Variants in RBM44 observed in about 807,000 individuals in gnomAD.
RBM44 encodes RNA-binding protein 44.
In RBM44, 66 loss-of-function variants were observed where a neutral mutation model predicts 105.1. The ratio of observed to expected loss-of-function variants is 0.63; its 90% confidence interval spans 0.52 to 0.77. RBM44 has a LOEUF of 0.77. RBM44 is among the 30% of genes least tolerant of loss of function. The probability of loss-of-function intolerance (pLI) is 0.00; values close to 1 mark genes in which losing one functional copy is unlikely to be tolerated. For synonymous variants in RBM44, 365 were observed against 417.6 expected, an observed-to-expected ratio of 0.87 and a Z score of 1.54; for missense variants, 1,122 against 1,207.8, an observed-to-expected ratio of 0.93 and a Z score of 1.05.
At chr2:237,831,256 GTTT>G (rs2061900613) in intron 13 of RBM44, among the ~76,000 whole-genome samples, 1 of 101,936 alleles carries the variant, frequency 9.8e-6, no homozygotes, top group Admixed American at 1.0e-4. Flanking sequence ...GGGGGGGGGG[GTTT>G]GTCTTTGTTT....
At position 237,832,345 on chromosome 2, in the gene RBM44, G is replaced by A. The variant is rs996868635; in HGVS notation, c.2887-1652G>A. ...TTTTTGTATTTTTCTGTAGAGACCA[G>A]GTCGTGCTATGTTGCCCAGGCTGGT... On this transcript the variant is annotated intron_variant, in intron 13 of 15. Coordinates refer to ENST00000316997, the MANE Select transcript of RBM44 (RefSeq NM_001080504.3). 1.6e-4 allele frequency among the ~76,000 whole-genome samples: 24 copies of A among 152,048 alleles called. 1 individual carries two copies. The highest frequency in any genetic ancestry group is 1.5e-5 in the Non-Finnish European group (1 of 68,006).
chr2:237,831,111 A>C (rs2061898348), intron 13 of RBM44, among the ~76,000 whole-genome samples: 2 of 151,372 alleles, frequency 1.3e-5, no homozygotes, highest in South Asian at 2.1e-4. Flanking sequence ...TTTCTCTACT[A>C]TTAGCAACTC....
At position 237,802,377 on chromosome 2, in the gene RBM44, A is replaced by G. The variant is rs780846640; in HGVS notation, c.-19+3516A>G. ...GAGGGATCTAGGTTTCGTGCTACCT[A>G]TGAGAATCTAACTAATGCCTGATGA... On this transcript the variant is annotated intron_variant, in intron 1 of 15. Coordinates refer to ENST00000316997, the MANE Select transcript of RBM44 (RefSeq NM_001080504.3). Among the ~76,000 whole-genome samples the G allele has an allele frequency of 2.6e-5, 4 of 152,188 alleles. No individual in the cohort carries two copies. The East Asian group carries it at 5.8e-4, about 22-fold the overall frequency.
intron 5 of RBM44, 27 bp downstream of exon 5, chr2:237,820,378 T>C: frequency 7.2e-7 from 1 of 1,382,270 alleles, no homozygotes; most frequent in East Asian, 2.4e-5. Context: ...AATCTGTTTT[T>C]TCTTAGAAAT....
Position 237,821,101 on chromosome 2 carries a change from A to T in RBM44, c.1944A>T (p.Glu648Asp), listed in dbSNP as rs1347826741. The T allele has an allele frequency of 6.3e-7, 1 of 1,587,074 alleles. No homozygotes were observed. Among genetic ancestry groups the T allele is most frequent in the Non-Finnish European group, 8.5e-7 (1 of 1,173,362 alleles). Residue 648 changes from glutamate to aspartate, a missense_variant, in exon 6 of 16, where the codon GAA becomes GAT. This residue lies in a region of RBM44 where 918 missense variants were observed against 955.3 expected (regional missense o/e 0.96). Coordinates refer to ENST00000316997, the MANE Select transcript of RBM44 (RefSeq NM_001080504.3). ...TATCAAGTAATTCTGCTAAGAAGGA[A>T]TTGGGATCAGCACTACTGTCTCTTT... ...MNLSSNSAKK[E>D]LGSALLSLLG...
chr2:237,838,162 C>A (rs2061977974), intron 15 of RBM44, among the ~76,000 whole-genome samples: 1 of 152,190 alleles, frequency 6.6e-6, no homozygotes. Flanking sequence ...AAAATTAAAG[C>A]CTATAAGAAC....
intron 1 of RBM44, among the ~76,000 whole-genome samples, chr2:237,808,481 G>GAAA (rs61185065): frequency 4.0e-5 from 5 of 125,416 alleles, no homozygotes; most frequent in Non-Finnish European, 7.0e-5. Flanking sequence ...AAGCATAACA[G>GAAA]AAAAAAAAAA....
chr2:237,808,671 T>C (rs1241518920), intron 1 of RBM44, among the ~76,000 whole-genome samples: 1 of 152,086 alleles, frequency 6.6e-6, no homozygotes, highest in Non-Finnish European at 1.5e-5. Context: ...GTAGGAGATG[T>C]GACAGATACA....
At chr2:237,811,457 C>T (rs1051160025) in intron 1 of RBM44, among the ~76,000 whole-genome samples, 1 of 151,828 alleles carries the variant, frequency 6.6e-6, no homozygotes, top group African/African-American at 2.4e-5. Flanking sequence ...TTTGTGGAGT[C>T]GGGGTTTTGC....
In RBM44 at chr2:237,821,151, T is replaced by C. The variant is rs773477874; in HGVS notation, c.1994T>C (p.Val665Ala). Residue 665 changes from valine to alanine, a missense_variant, in exon 6 of 16, where the codon GTG becomes GCG. Transcript: ENST00000316997. ...TTGGGGGACTTAAAAGTTAGATATG[T>C]GACTTTGAAAGAAAAAATACACAAA... is the stretch of plus-strand genomic sequence containing the variant. ...SLLGDLKVRY[V>A]TLKEKIHKGI... is the part of the protein sequence containing the mutation. 6.2e-7 allele frequency: 1 copy of C among 1,611,484 alleles called. No homozygotes were observed. Among genetic ancestry groups the C allele is most frequent in the South Asian group, 1.1e-5 (1 of 90,716 alleles).
chr2:237,811,883 C>CT, intron 1 of RBM44, among the ~76,000 whole-genome samples: 1 of 152,050 alleles, frequency 6.6e-6, no homozygotes, highest in Non-Finnish European at 1.5e-5. Flanking sequence ...TCTTTGGAGT[C>CT]TCGCGCTGTC....
intron 9 of RBM44, 103 bp downstream of exon 9, chr2:237,823,657 T>A (rs576997232): frequency 3.3e-5 from 20 of 603,752 alleles, no homozygotes; most frequent in East Asian, 1.5e-4. Flanking sequence ...TTTTCTTAAT[T>A]GATGGAAAGG....
At position 237,813,658 on chromosome 2, in the gene RBM44, A is replaced by G. The variant is rs752844762; in HGVS notation, c.49A>G (p.Ser17Gly). ...GACAGCATCTGGTAAAGGCTACCAC[A>G]GTAATGGAGGCAACCTCCAAAAAGG... The part of the protein sequence containing the change: ...VETASGKGYH[S>G]NGGNLQKDKP... The change falls in exon 2 of 16, where the codon AGT (serine) becomes GGT (glycine). Residue 17 changes from serine to glycine, a missense_variant. By Grantham distance (56) the Ser-to-Gly change is moderately conservative. This residue lies in a region of RBM44 where 918 missense variants were observed against 955.3 expected (regional missense o/e 0.96). Transcript: ENST00000316997. The G allele has an allele frequency of 1.5e-5, 24 of 1,610,744 alleles. 1 individual carries two copies. In the South Asian group the frequency reaches 2.5e-4, roughly 17 times the overall value.
chr2:237,837,886 T>G (rs1156607469), intron 15 of RBM44, among the ~76,000 whole-genome samples: 2 of 151,450 alleles, frequency 1.3e-5, no homozygotes, highest in Admixed American at 1.3e-4. Flanking sequence ...ACAGAGGATT[T>G]GGAATAGTAC....
chr2:237,821,318 G>T (rs773058928), intron 6 of RBM44, 28 bp from the exon 7 acceptor site: 6 of 1,560,946 alleles, frequency 3.8e-6, no homozygotes, highest in Non-Finnish European at 4.3e-6. Flanking sequence ...TTTAAACAAA[G>T]ATTTTTTTTC....
At chr2:237,827,385 T>C in intron 11 of RBM44, 48 bp from the exon 12 acceptor site, 1 of 1,456,796 alleles carries the variant, frequency 6.9e-7, no homozygotes. Context: ...TTGTTCATAT[T>C]TGTTGTTTTT....
intron 8 of RBM44, 26 bp downstream of exon 8, chr2:237,821,853 T>C (rs1424392377): frequency 6.9e-7 from 1 of 1,447,494 alleles, no homozygotes; most frequent in East Asian, 2.3e-5. Context: ...AGTTCATCAA[T>C]GCAAATCTTT....
At chr2:237,831,252 G>A (rs372438271) in intron 13 of RBM44, among the ~76,000 whole-genome samples, 1 of 135,782 alleles carries the variant, frequency 7.4e-6, no homozygotes, top group Non-Finnish European at 1.6e-5. Context: ...TTGGGGGGGG[G>A]GGGGTTTGTC....
intron 1 of RBM44, among the ~76,000 whole-genome samples, chr2:237,801,556 A>C (rs2061546449): frequency 6.6e-6 from 1 of 152,066 alleles, no homozygotes; most frequent in Non-Finnish European, 1.5e-5. Flanking sequence ...GGAACTCCTG[A>C]GCTCAAGTGA....
Sources: gnomAD v4.1 joint callset for allele counts (sites outside exome capture counted in the v4.1 genomes callset) on GRCh38, gnomAD v4.1.1 for gene constraint, gnomAD v4.1.1 regional missense constraint, MANE v1.5 for transcripts, NCBI Gene and HGNC (gene_info 2026-07-23, HGNC 2026-07-21) for gene names.